RPS21: variants seen among roughly 807,000 people sequenced by gnomAD.
The protein encoded by RPS21 is small ribosomal subunit protein eS21.
A neutral mutation model predicts 14.5 loss-of-function variants in RPS21; 6 were observed. The observed-to-expected ratio is 0.41, with a 90% CI of 0.23 to 0.82. The LOEUF (loss-of-function observed/expected upper bound fraction) is 0.82. Ranked by LOEUF, RPS21 falls within the 40% of genes least tolerant of loss-of-function variation. RPS21 has a pLI of 0.31. For missense variants in RPS21, 85 were observed against 115.0 expected (o/e 0.74, Z 1.19); for synonymous variants, 61 against 42.6 (o/e 1.43, Z -1.69).
intron 4 of RPS21, 32 bp from the exon 5 acceptor site, chr20:62,388,277 T>A (rs1987821304): frequency 3.8e-6 from 6 of 1,580,670 alleles, no homozygotes; most frequent in Non-Finnish European, 5.1e-6. Flanking sequence ...GGAGTGGAAA[T>A]ATTCTTAGTG....
intron 2 of RPS21, 48 bp from the exon 3 acceptor site, chr20:62,387,559 TTTCA>T (rs1433375345): frequency 6.3e-6 from 10 of 1,595,242 alleles, no homozygotes; most frequent in Non-Finnish European, 6.8e-6. Flanking sequence ...TCGTCCCCTC[TTTCA>T]TTCTTACCGC....
intron 1 of RPS21, 63 bp downstream of exon 1, chr20:62,387,199 A>G: frequency 3.0e-6 from 2 of 669,540 alleles, no homozygotes. Flanking sequence ...GGGGGCTTGG[A>G]CGCGGGGGAC....
At chr20:62,387,247 C>T in intron 1 of RPS21, 74 bp from the exon 2 acceptor site, 1 of 1,183,286 alleles carries the variant, frequency 8.5e-7, no homozygotes, top group African/African-American at 1.5e-5. Context: ...GGCCGTGACC[C>T]TAGGGGCCGG....
chr20:62,387,715 G>A (rs1022399103), intron 3 of RPS21, 41 bp downstream of exon 3: 3 of 1,614,022 alleles, frequency 1.9e-6, no homozygotes, highest in African/African-American at 2.7e-5. Flanking sequence ...TGTGATATAT[G>A]TGCGGGAAAG....
At chr20:62,388,229 C>CTGG in intron 4 of RPS21, 80 bp from the exon 5 acceptor site, 1 of 1,500,006 alleles carries the variant, frequency 6.7e-7, no homozygotes, top group Non-Finnish European at 9.0e-7. Flanking sequence ...GAGACGTGGG[C>CTGG]TGGTGGCACA....
Position 62,387,692 on chromosome 20 carries a change from G to A in RPS21, c.114+18G>A. The A allele has an allele frequency of 1.2e-6, 2 of 1,614,118 alleles. No homozygotes were observed. The highest frequency in any genetic ancestry group is 1.7e-6 in the Non-Finnish European group (2 of 1,180,016). ...TGGCCGAGGTGAGCTGGGAGCCCGG[G>A]AGGCGGGAAGGTTGTGATATATGTG... On this transcript the variant is annotated intron_variant, in intron 3 of 5. Transcript: ENST00000343986.
At chr20:62,387,995 T>C (rs756634130) in intron 4 of RPS21, 81 bp downstream of exon 4, 3 of 1,613,066 alleles carry the variant, frequency 1.9e-6, no homozygotes, top group South Asian at 2.2e-5. Flanking sequence ...TGATGGTGCC[T>C]GAGTAGATCT....
At chr20:62,387,299 G>A in intron 1 of RPS21, 22 bp from the exon 2 acceptor site, 5 of 1,563,742 alleles carry the variant, frequency 3.2e-6, no homozygotes, top group Middle Eastern at 3.3e-4. Context: ...CGTACTCACG[G>A]CGCCGCGCGG....
At chr20:62,388,070 A>G (rs1263444249) in intron 4 of RPS21, 156 bp downstream of exon 4, 1 of 1,556,748 alleles carries the variant, frequency 6.4e-7, no homozygotes, top group African/African-American at 1.4e-5. Flanking sequence ...AGGGTGGAAG[A>G]GGGGTGCTCT....
At position 62,387,403 on chromosome 20, in the gene RPS21, C is replaced by G; in HGVS notation, c.50+15C>G. 6.2e-7 allele frequency: 1 copy of G among 1,608,210 alleles called. No individual in the cohort carries two copies. The highest frequency in any genetic ancestry group is 2.2e-5 in the East Asian group (1 of 44,516). On this transcript the variant is annotated intron_variant, in intron 2 of 5. Coordinates refer to ENST00000343986, the MANE Select transcript of RPS21 (RefSeq NM_001024.4). ...CCGCGGAAATGGTAAGCGCCCCCCA[C>G]ATGCCTCTCTTCCGTCCTTACCTAA... is the stretch of plus-strand genomic sequence containing the variant.
Position 62,388,228 on chromosome 20 carries a change from G to C in RPS21, c.187-81G>C, listed in dbSNP as rs541970312. The C allele has an allele frequency of 7.9e-5, 118 of 1,500,950 alleles. 2 individuals are homozygous for C. The South Asian group carries it at 1.4e-3, about 18-fold the overall frequency. The allele number at this position is 1,500,950 out of a possible 1,614,324, so 93.0% of individuals were successfully genotyped here. A position where few individuals can be genotyped will look rare whatever the true frequency, so the allele number is the denominator to read the frequency against. ...TTCGCTCAGCGGGGGAGAGACGTGG[G>C]CTGGTGGCACAGCTGACCTTCTGCC... On this transcript the variant is annotated intron_variant, in intron 4 of 5. Transcript: ENST00000343986.
rs1202256274 is a variant in RPS21, at chr20:62,387,114, C to A, written c.-41C>A. 8.5e-6 allele frequency: 4 copies of A among 472,106 alleles called. No homozygotes were observed. Among genetic ancestry groups the A allele is most frequent in the Non-Finnish European group, 1.5e-5 (4 of 269,734 alleles). The allele number at this position is 472,106 out of a possible 1,614,324, so 29.2% of individuals were successfully genotyped here. The stretch of plus-strand genomic sequence containing the variant: ...GTGACTAGCTGCTTCCTTTCTCTCT[C>A]GCGCGCGGTGTGGTGGCAGCAGGTG... On this transcript the variant is annotated 5_prime_UTR_variant, in exon 1 of 6. Coordinates refer to ENST00000343986, the MANE Select transcript of RPS21 (RefSeq NM_001024.4).
intron 4 of RPS21, 68 bp from the exon 5 acceptor site, chr20:62,388,241 C>T (rs1987819078): frequency 2.0e-6 from 3 of 1,528,346 alleles, no homozygotes; most frequent in African/African-American, 1.4e-5. Flanking sequence ...GGTGGCACAG[C>T]TGACCTTCTG....
At chr20:62,387,425 C>T in intron 2 of RPS21, 37 bp downstream of exon 2, 4 of 1,606,264 alleles carry the variant, frequency 2.5e-6, no homozygotes, top group Non-Finnish European at 3.4e-6. Context: ...CCGTCCTTAC[C>T]TAACCACCAC....
In RPS21 at chr20:62,388,517, C is replaced by G. The variant is rs1429117749; in HGVS notation, c.*51C>G. On this transcript the variant is annotated 3_prime_UTR_variant, in exon 6 of 6. Coordinates refer to ENST00000343986, the MANE Select transcript of RPS21 (RefSeq NM_001024.4). ...ATTTGTCATAAATAAATAATGAAAA[C>G]CTACCTGTGCAGGTTCATTCTGTGT... The G allele has an allele frequency of 1.9e-6, 3 of 1,592,834 alleles. No individual in the cohort carries two copies. The highest frequency in any genetic ancestry group is 3.3e-5 in the Admixed American group (2 of 59,932).
chr20:62,387,860 C>A lies in RPS21; in HGVS notation c.132C>A (p.Gly44=), dbSNP rs761868975. The part of the protein sequence containing the change: ...MNVAEVDKVT[G]RFNGQFKTYA... ...CTTTCTAGGTTGACAAGGTCACAGGCAGGTTTAATGGCCAGTTTAAAACTT... is the reference window on the plus strand; with the variant it reads ...CTTTCTAGGTTGACAAGGTCACAGGAAGGTTTAATGGCCAGTTTAAAACTT... Residue 44 remains glycine, a synonymous_variant, in exon 4 of 6, where the codon GGC becomes GGA. Transcript: ENST00000343986. 6 of 1,614,038 alleles carry A rather than the reference C, an allele frequency of 3.7e-6. No individual in the cohort carries two copies. The Admixed American group carries it at 1.0e-4, about 27-fold the overall frequency.
chr20:62,388,432 CGTT>C (rs760030923), intron 5 of RPS21, 22 bp from the exon 6 acceptor site: 8 of 1,613,888 alleles, frequency 5.0e-6, no homozygotes, highest in African/African-American at 1.3e-5. Flanking sequence ...GTGGTCTTAA[CGTT>C]GTCCTTTTCC....
In RPS21 at chr20:62,388,290, CTTTT is replaced by C; in HGVS notation, c.187-10_187-7del. ...CCGGAGTGGAAATATTCTTAGTGTGCTTTTTTTTTTTTCTTAAGGGTGAGTCAGA... is the reference window on the plus strand; with the variant it reads ...CCGGAGTGGAAATATTCTTAGTGTGCTTTTTTTTCTTAAGGGTGAGTCAGA... On this transcript the variant is annotated splice_polypyrimidine_tract_variant and intron_variant, in intron 4 of 5. Transcript: ENST00000343986. 1 of 1,350,830 alleles carries C rather than the reference CTTTT, an allele frequency of 7.4e-7. No individual in the cohort carries two copies. The highest frequency in any genetic ancestry group is 1.0e-6 in the Non-Finnish European group (1 of 992,404). The allele number at this position is 1,350,830 out of a possible 1,614,324, so 83.7% of individuals were successfully genotyped here.
Position 62,387,127 on chromosome 20 carries a change from G to C in RPS21, c.-28G>C, listed in dbSNP as rs1987755065. The stretch of plus-strand genomic sequence containing the variant: ...TCCTTTCTCTCTCGCGCGCGGTGTG[G>C]TGGCAGCAGGTGTGGCGCGCGGCGC... On this transcript the variant is annotated 5_prime_UTR_variant, in exon 1 of 6. Coordinates refer to ENST00000343986, the MANE Select transcript of RPS21 (RefSeq NM_001024.4). 2.1e-6 allele frequency: 1 copy of C among 481,222 alleles called. No homozygotes were observed. The highest frequency in any genetic ancestry group is 3.6e-6 in the Non-Finnish European group (1 of 274,918). 29.8% of individuals were successfully genotyped at this position (481,222 alleles called of 1,614,324 possible). A position where few individuals can be genotyped will look rare whatever the true frequency, so the allele number is the denominator to read the frequency against.
Sources: allele counts gnomAD v4.1 joint callset, GRCh38; gene constraint gnomAD v4.1.1; transcripts MANE v1.5; gene names NCBI Gene and HGNC (gene_info 2026-07-23, HGNC 2026-07-21).